Variants in NEGR1 observed in about 807,000 individuals in gnomAD.
NEGR1 encodes the protein IgLON family member 4.
Under a neutral mutation model 40.9 loss-of-function variants are expected in NEGR1, and 10 were observed. That is an observed-to-expected ratio of 0.24 (90% confidence interval 0.15 to 0.42). The LOEUF is 0.42. Ranked by LOEUF, NEGR1 falls within the 10% of genes least tolerant of loss-of-function variation. NEGR1 has a pLI of 1.00. For missense variants in NEGR1, 352 were observed against 438.9 expected, an observed-to-expected ratio of 0.80 and a Z score of 1.77; for synonymous variants, 185 against 166.8, an observed-to-expected ratio of 1.11 and a Z score of -0.84.
chr1:72,062,327 A>T (rs1647192002), intron 1 of NEGR1, among the ~76,000 whole-genome samples: 1 of 151,708 alleles, frequency 6.6e-6, no homozygotes, highest in Non-Finnish European at 1.5e-5. Flanking sequence ...AGAATTAATC[A>T]CTCCTCATTC....
chr1:71,690,619 C>CAGAGAGAGAGAGAGAGAGAGAGAGAGAG (rs59019409), intron 4 of NEGR1, among the ~76,000 whole-genome samples: 6 of 67,648 alleles, frequency 8.9e-5, no homozygotes, highest in Admixed American at 4.0e-4. Flanking sequence ...TAGAGGGAGA[C>CAGAGAGAGAGAGAGAGAGAGAGAGAGAG]AGAGAGAGAG....
chr1:72,161,419 A>T (rs1651554574), intron 1 of NEGR1, among the ~76,000 whole-genome samples: 1 of 152,022 alleles, frequency 6.6e-6, no homozygotes, highest in Admixed American at 6.6e-5. Context: ...TTTGCCCCCC[A>T]GGGGGCATTT....
At chr1:71,457,465 C>A (rs1325544745) in intron 6 of NEGR1, among the ~76,000 whole-genome samples, 1 of 152,146 alleles carries the variant, frequency 6.6e-6, no homozygotes, top group African/African-American at 2.4e-5. Flanking sequence ...TCATTCATCG[C>A]ATGTTTGTTA....
chr1:71,802,936 A>G (rs1442321537), intron 2 of NEGR1, among the ~76,000 whole-genome samples: 1 of 152,146 alleles, frequency 6.6e-6, no homozygotes, highest in Non-Finnish European at 1.5e-5. Flanking sequence ...TTGGACTTGA[A>G]ATTTATGCCA....
chr1:71,487,727 C>G lies in NEGR1; in HGVS notation c.941-80157G>C, dbSNP rs186796226. On this transcript the variant is annotated intron_variant, in intron 6 of 6. Coordinates refer to ENST00000357731, the MANE Select transcript of NEGR1 (RefSeq NM_173808.3). ...TAGTTTGTTATGAAGCATACAAACC[C>G]TAGCATTCATTAGATTTTTTTTTTA... Among the ~76,000 whole-genome samples, 2 of 147,390 alleles carry G rather than the reference C, an allele frequency of 1.4e-5. 1 individual carries two copies. Among genetic ancestry groups the G allele is most frequent in the East Asian group, 3.9e-4 (2 of 5,094 alleles).
intron 2 of NEGR1, among the ~76,000 whole-genome samples, chr1:71,912,195 G>T (rs1661437473): frequency 6.6e-6 from 1 of 152,114 alleles, no homozygotes; most frequent in African/African-American, 2.4e-5. Flanking sequence ...GCTTTCTTTT[G>T]TGGGGACTGT....
chr1:72,054,501 T>C (rs1569886041), intron 1 of NEGR1, among the ~76,000 whole-genome samples: 1 of 151,356 alleles, frequency 6.6e-6, no homozygotes, highest in Non-Finnish European at 1.5e-5. Context: ...ATAAATTTTA[T>C]TTTAAAATAT....
At chr1:72,047,817 C>T (rs1166824401) in intron 1 of NEGR1, among the ~76,000 whole-genome samples, 1 of 151,510 alleles carries the variant, frequency 6.6e-6, no homozygotes, top group Non-Finnish European at 1.5e-5. Flanking sequence ...TTAATTAACA[C>T]TCAAGACTTT....
At chr1:71,734,891 C>T (rs759948662) in intron 3 of NEGR1, among the ~76,000 whole-genome samples, 9 of 148,670 alleles carry the variant, frequency 6.1e-5, no homozygotes, top group Non-Finnish European at 1.3e-4. Context: ...TCTGCCTGCT[C>T]TTCTTCAGTT....
Position 72,099,399 on chromosome 1 carries a change from CATT to C in NEGR1, c.177-164091_177-164089del, listed in dbSNP as rs558768307. ...AAATATGTACTCTTCATTACTTAGT[CATT>C]ATAATAGTTTTGAGCTTCTGATTTT... is the stretch of plus-strand genomic sequence containing the variant. On this transcript the variant is annotated intron_variant, in intron 1 of 6. Transcript: ENST00000357731. Among the ~76,000 whole-genome samples, 292 of 151,952 alleles carry C rather than the reference CATT, an allele frequency of 1.9e-3. 5 individuals carry two copies. Among genetic ancestry groups the C allele is most frequent in the African/African-American group, 6.6e-3 (275 of 41,526 alleles).
chr1:72,013,040 G>A (rs930821807), intron 1 of NEGR1, among the ~76,000 whole-genome samples: 2 of 151,696 alleles, frequency 1.3e-5, no homozygotes, highest in Non-Finnish European at 2.9e-5. Flanking sequence ...GGAATAACAG[G>A]AGAATGATTA....
intron 1 of NEGR1, among the ~76,000 whole-genome samples, chr1:72,134,494 G>A (rs980846884): frequency 1.3e-5 from 2 of 151,548 alleles, no homozygotes; most frequent in Middle Eastern, 3.2e-3. Flanking sequence ...GTGAGCCACC[G>A]CACCTGGCTA....
At chr1:71,895,919 C>T (rs1358273226) in intron 2 of NEGR1, among the ~76,000 whole-genome samples, 1 of 152,094 alleles carries the variant, frequency 6.6e-6, no homozygotes, top group Non-Finnish European at 1.5e-5. Flanking sequence ...ACCAGTTTCT[C>T]CGCCTTTTTG....
chr1:71,597,426 A>ATGTCTCTC (rs1408269920), intron 5 of NEGR1, among the ~76,000 whole-genome samples: 7 of 120,784 alleles, frequency 5.8e-5, no homozygotes, highest in African/African-American at 2.4e-4. Context: ...ATATATATAT[A>ATGTCTCTC]TATATGTCTC....
At chr1:71,894,486 T>G (rs1660908678) in intron 2 of NEGR1, among the ~76,000 whole-genome samples, 1 of 152,164 alleles carries the variant, frequency 6.6e-6, no homozygotes, top group African/African-American at 2.4e-5. Flanking sequence ...ATGGATAATA[T>G]CACTTCCTCT....
At chr1:71,538,914 C>T (rs188133213) in intron 6 of NEGR1, among the ~76,000 whole-genome samples, 2 of 151,802 alleles carry the variant, frequency 1.3e-5, no homozygotes, top group African/African-American at 4.8e-5. Context: ...AACCGAAGCT[C>T]CAGACTTCAT....
chr1:71,711,566 G>A (rs962455123), intron 3 of NEGR1, among the ~76,000 whole-genome samples: 3 of 151,584 alleles, frequency 2.0e-5, no homozygotes, highest in African/African-American at 7.3e-5. Context: ...GTGAAATGGT[G>A]TGGCCACTTT....
chr1:71,927,194 C>T (rs960177459), intron 2 of NEGR1, among the ~76,000 whole-genome samples: 1 of 152,062 alleles, frequency 6.6e-6, no homozygotes, highest in Non-Finnish European at 1.5e-5. Context: ...GCCATGTAAC[C>T]ATAGCAATTC....
intron 1 of NEGR1, among the ~76,000 whole-genome samples, chr1:72,019,936 T>C (rs1036975047): frequency 1.3e-5 from 2 of 152,218 alleles, no homozygotes; most frequent in African/African-American, 4.8e-5. Flanking sequence ...GTTTCACATA[T>C]TCTAGTTATA....
Sources: allele counts gnomAD v4.1 joint callset (sites outside exome capture counted in the v4.1 genomes callset), GRCh38; gene constraint gnomAD v4.1.1; transcripts MANE v1.5; gene names NCBI Gene and HGNC (gene_info 2026-07-23, HGNC 2026-07-21).